SYT16: variants seen among roughly 807,000 people sequenced by gnomAD.
SYT16 encodes the protein synaptotagmin 16.
In SYT16, 42 loss-of-function variants were observed where a neutral mutation model predicts 61.4. The observed-to-expected ratio is 0.68, with a 90% CI of 0.53 to 0.89. SYT16 has a LOEUF of 0.89. Among genes scored for constraint, SYT16 ranks in the 40% least tolerant of loss-of-function variants. SYT16 has a pLI of 0.00. For missense variants in SYT16, 804 were observed against 807.3 expected, an observed-to-expected ratio of 1.00 and a Z score of 0.05; for synonymous variants, 314 against 302.3, an observed-to-expected ratio of 1.04 and a Z score of -0.40.
chr14:61,846,892 G>T (rs1030833703), intron 1 of SYT16, among the ~76,000 whole-genome samples: 1 of 152,036 alleles, frequency 6.6e-6, no homozygotes, highest in Non-Finnish European at 1.5e-5. Flanking sequence ...ATTTTAAGCA[G>T]AAAACAACAC....
rs2056217323 is a variant in SYT16, at chr14:62,069,702, T to G, written c.623T>G (p.Phe208Cys). 3 of 1,613,860 alleles carry G rather than the reference T, an allele frequency of 1.9e-6. No individual in the cohort carries two copies. Among genetic ancestry groups the G allele is most frequent in the Non-Finnish European group, 2.5e-6 (3 of 1,179,876 alleles). Residue 208 changes from phenylalanine to cysteine, a missense_variant, in exon 4 of 8, where the codon TTC (phenylalanine) becomes TGC (cysteine). Physicochemically the swap from Phe to Cys is radical, Grantham distance 205. Coordinates refer to ENST00000683842, the MANE Select transcript of SYT16 (RefSeq NM_001367656.1). ...ATTTCCGTGTCCCGGTCCCAGAGTT[T>G]CCGTTCAGTGACATCTGAGAAAGGA... ...FEISVSRSQS[F>C]RSVTSEKGKQ...
intron 1 of SYT16, among the ~76,000 whole-genome samples, chr14:61,925,646 A>C (rs984274723): frequency 1.3e-5 from 2 of 152,142 alleles, no homozygotes. Context: ...TCTTATGAAA[A>C]TTTCCTGGTT....
At chr14:61,845,206 C>G (rs2140260239) in intron 1 of SYT16, among the ~76,000 whole-genome samples, 1 of 152,098 alleles carries the variant, frequency 6.6e-6, no homozygotes, top group Non-Finnish European at 1.5e-5. Context: ...TGCCACCATG[C>G]CCAGCTAATT....
At chr14:62,046,369 G>C (rs564049870) in intron 3 of SYT16, among the ~76,000 whole-genome samples, 1 of 152,100 alleles carries the variant, frequency 6.6e-6, no homozygotes, top group South Asian at 2.1e-4. Context: ...TGTCACATGA[G>C]TAGGTTGCAA....
At chr14:61,961,444 A>G (rs1056606836) in intron 1 of SYT16, among the ~76,000 whole-genome samples, 31 of 152,336 alleles carry the variant, frequency 2.0e-4, no homozygotes, top group African/African-American at 6.7e-4. Context: ...CAACCCTGTT[A>G]AAGAGTGGGC....
At chr14:62,013,473 T>C (rs182723269) in intron 3 of SYT16, among the ~76,000 whole-genome samples, 7 of 152,270 alleles carry the variant, frequency 4.6e-5, no homozygotes, top group African/African-American at 1.2e-4. Flanking sequence ...TATGGGAAAA[T>C]AGGCTGTATT....
intron 1 of SYT16, among the ~76,000 whole-genome samples, chr14:61,958,796 T>C (rs886083296): frequency 2.6e-5 from 4 of 152,140 alleles, no homozygotes; most frequent in African/African-American, 9.6e-5. Context: ...TTAGTTCTGC[T>C]GTTTATTGAT....
At chr14:61,906,787 GTCCATCCATCCATCCA>G (rs60022651) in intron 1 of SYT16, among the ~76,000 whole-genome samples, 10 of 142,432 alleles carry the variant, frequency 7.0e-5, no homozygotes, top group Non-Finnish European at 1.4e-4. Context: ...CCGTCCGTCC[GTCCATCCATCCATCCA>G]TCCATCCATC....
chr14:62,005,396 CTG>C (rs2053181772), intron 3 of SYT16, among the ~76,000 whole-genome samples: 1 of 152,110 alleles, frequency 6.6e-6, no homozygotes, highest in South Asian at 2.1e-4. Context: ...GAACTCACGA[CTG>C]TGTTGTTCCT....
intron 3 of SYT16, among the ~76,000 whole-genome samples, chr14:62,028,326 C>T (rs4462520): frequency 0.61 from 93,442 of 152,104 alleles, 30,584 homozygotes; most frequent in African/African-American, 0.85. Context: ...GCTTACTGTA[C>T]GAGTTCTAAA....
At chr14:61,865,280 C>G in intron 1 of SYT16, 1 of 785,526 alleles carries the variant, frequency 1.3e-6, no homozygotes. Context: ...TCTTTTGCCT[C>G]ATGCCCTACA....
chr14:61,859,034 T>G (rs987258133), intron 1 of SYT16, among the ~76,000 whole-genome samples: 1 of 151,354 alleles, frequency 6.6e-6, no homozygotes, highest in African/African-American at 2.4e-5. Context: ...TTTTTTTTTG[T>G]ATTTTTAGTA....
intron 3 of SYT16, among the ~76,000 whole-genome samples, chr14:62,005,898 G>A (rs921935739): frequency 5.3e-5 from 8 of 152,124 alleles, no homozygotes; most frequent in Non-Finnish European, 1.2e-4. Context: ...CTCTGTGGTG[G>A]CAGTGGGAAT....
At chr14:61,975,245 T>C (rs569622845) in intron 2 of SYT16, among the ~76,000 whole-genome samples, 18 of 152,160 alleles carry the variant, frequency 1.2e-4, no homozygotes, top group Non-Finnish European at 2.2e-4. Flanking sequence ...GGTGGTAATA[T>C]AATCTCCATT....
chr14:62,067,925 G>C (rs145490572), intron 3 of SYT16, among the ~76,000 whole-genome samples: 2 of 152,212 alleles, frequency 1.3e-5, no homozygotes, highest in South Asian at 4.1e-4. Context: ...GACAGAGGTT[G>C]CAGTGAGCTG....
intron 1 of SYT16, among the ~76,000 whole-genome samples, chr14:61,969,124 G>A (rs936773937): frequency 1.3e-4 from 20 of 152,218 alleles, no homozygotes; most frequent in Admixed American, 1.2e-3. Flanking sequence ...TTAAGGCTTT[G>A]TATTATTTGT....
intron 4 of SYT16, 43 bp from the exon 5 acceptor site, chr14:62,075,092 T>C (rs2056434628): frequency 6.4e-7 from 1 of 1,553,066 alleles, no homozygotes; most frequent in Non-Finnish European, 8.7e-7. Context: ...AAAAAGGTGT[T>C]AAAAATAATG....
intron 3 of SYT16, among the ~76,000 whole-genome samples, chr14:62,009,809 T>G (rs2053372774): frequency 1.3e-5 from 2 of 152,170 alleles, no homozygotes; most frequent in South Asian, 4.1e-4. Context: ...TGCAACCCAC[T>G]CAGAGGAATA....
At chr14:61,863,814 A>ATT (rs61449328) in intron 1 of SYT16, among the ~76,000 whole-genome samples, 17 of 148,342 alleles carry the variant, frequency 1.1e-4, no homozygotes, top group African/African-American at 3.7e-4. Context: ...GTCTAGATTC[A>ATT]TTTTTTTTTT....
Sources: allele counts gnomAD v4.1 joint callset (sites outside exome capture counted in the v4.1 genomes callset), GRCh38; gene constraint gnomAD v4.1.1; transcripts MANE v1.5; gene names NCBI Gene and HGNC (gene_info 2026-07-23, HGNC 2026-07-21).